FBN2: variants seen among roughly 807,000 people sequenced by gnomAD.
FBN2 encodes the protein fibrillin 2.
In FBN2, 105 loss-of-function variants were observed where a neutral mutation model predicts 355.6. That is an observed-to-expected ratio of 0.30 (90% CI 0.25 to 0.35). The LOEUF is 0.35. Ranked by LOEUF, FBN2 falls within the 10% of genes least tolerant of loss-of-function variation. The pLI is 1.00. For missense variants in FBN2, 3,280 were observed against 3,758.7 expected (o/e 0.87, Z 3.33); for synonymous variants, 1,350 against 1,301.2 (o/e 1.04, Z -0.81).
At position 128,538,214 on chromosome 5, in the gene FBN2, G is replaced by C. The variant is rs1756914645; in HGVS notation, c.-611C>G. 1 of 155,306 alleles carries C rather than the reference G, an allele frequency of 6.4e-6. No individual in the cohort carries two copies. Among genetic ancestry groups the C allele is most frequent in the African/African-American group, 2.4e-5 (1 of 41,388 alleles). 9.6% of individuals were successfully genotyped at this position (155,306 alleles called of 1,614,324 possible). A position where few individuals can be genotyped will look rare whatever the true frequency, so the allele number is the denominator to read the frequency against. ...GGGGCGTGCGGCCAGCAAGAGAGAG[G>C]GCGGGAGGCTGGGCGCTGGAGAAGA... On this transcript the variant is annotated 5_prime_UTR_variant, in exon 1 of 65. Coordinates refer to ENST00000262464, the MANE Select transcript of FBN2 (RefSeq NM_001999.4).
At chr5:128,441,656 T>A (rs1753923632) in intron 7 of FBN2, among the ~76,000 whole-genome samples, 1 of 152,226 alleles carries the variant, frequency 6.6e-6, no homozygotes, top group African/African-American at 2.4e-5. Flanking sequence ...TATATCCTGC[T>A]GGCAGAGTCA....
intron 15 of FBN2, among the ~76,000 whole-genome samples, chr5:128,372,300 T>A (rs1055208317): frequency 6.6e-6 from 1 of 152,334 alleles, no homozygotes; most frequent in Non-Finnish European, 1.5e-5. Context: ...AAAGATATGA[T>A]TGCCTTTTGT....
chr5:128,492,226 A>C (rs1179231876), intron 5 of FBN2, among the ~76,000 whole-genome samples: 1 of 152,166 alleles, frequency 6.6e-6, no homozygotes, highest in African/African-American at 2.4e-5. Flanking sequence ...CTCTTCCTTG[A>C]ATATAGTTTT....
Position 128,331,278 on chromosome 5 carries a change from G to A in FBN2, c.4223-583C>T, listed in dbSNP as rs1236019005. On this transcript the variant is annotated intron_variant, in intron 32 of 64. Transcript: ENST00000262464. ...GAACAAAGATGCCCCCATTGAGGAA[G>A]TAGTTTTTAGTTAAGGTCAGACCTG... 7.9e-5 allele frequency among the ~76,000 whole-genome samples: 12 copies of A among 152,196 alleles called. 1 individual carries two copies. The highest frequency in any genetic ancestry group is 7.9e-4 in the Admixed American group (12 of 15,280).
chr5:128,312,041 A>T (rs1750071853), intron 37 of FBN2, 88 bp from the exon 38 acceptor site: 1 of 870,088 alleles, frequency 1.1e-6, no homozygotes, highest in African/African-American at 1.6e-5. Context: ...GACAGGCTCA[A>T]TATACTCATC....
chr5:128,459,669 C>G (rs1754503710), intron 6 of FBN2, among the ~76,000 whole-genome samples: 1 of 152,188 alleles, frequency 6.6e-6, no homozygotes, highest in African/African-American at 2.4e-5. Context: ...ATACACAAAT[C>G]AATAAACGTA....
At chr5:128,331,718 T>G (rs1750697549) in intron 32 of FBN2, among the ~76,000 whole-genome samples, 1 of 152,054 alleles carries the variant, frequency 6.6e-6, no homozygotes, top group African/African-American at 2.4e-5. Context: ...AGAAACTCTC[T>G]CTGGTTGGGA....
intron 7 of FBN2, among the ~76,000 whole-genome samples, chr5:128,441,128 T>A (rs1753907489): frequency 6.6e-6 from 1 of 152,098 alleles, no homozygotes. Flanking sequence ...TGCCTTCATT[T>A]TTTCAGGGCA....
chr5:128,278,714 G>A lies in FBN2; in HGVS notation c.7266C>T (p.Cys2422=), dbSNP rs776227906. The change falls in exon 57 of 65, where the codon TGC becomes TGT. Residue 2422 remains cysteine (C), a synonymous_variant. Transcript: ENST00000262464. ...CAGTTCCAGGAAGTGGGCAAAGCTC[G>A]CACTGGTGGCCCCAGCCTCGCCCAC... ...CDGGRGWGHQ[C]ELCPLPGTAQ... is the part of the protein sequence containing the mutation. 15 of 1,614,014 alleles carry A rather than the reference G, an allele frequency of 9.3e-6. No individual in the cohort carries two copies. The highest frequency in any genetic ancestry group is 1.6e-4 in the Middle Eastern group (1 of 6,084).
intron 20 of FBN2, among the ~76,000 whole-genome samples, chr5:128,356,403 G>T (rs1368880024): frequency 3.3e-5 from 5 of 152,118 alleles, no homozygotes; most frequent in South Asian, 4.1e-4. Flanking sequence ...TATTGTCTTC[G>T]ACAAATATGA....
rs1581303770 is a variant in FBN2 at position 128,446,488 on chromosome 5, T to C, written c.945A>G (p.Lys315=). ...AGHKQSETTQ[K]CEDIDECSII... ...CAAAGTAGAGAGACTCACCTTCACATTTCTGAGTAGTTTCACTCTGTTTGT... is the reference window on the plus strand; with the variant it reads ...CAAAGTAGAGAGACTCACCTTCACACTTCTGAGTAGTTTCACTCTGTTTGT... Residue 315 remains lysine, a synonymous_variant, in exon 7 of 65, where the codon AAA becomes AAG. Transcript: ENST00000262464. 2 of 1,613,698 alleles carry C rather than the reference T, an allele frequency of 1.2e-6. No homozygotes were observed. The highest frequency in any genetic ancestry group is 1.7e-5 in the Admixed American group (1 of 59,996).
intron 5 of FBN2, among the ~76,000 whole-genome samples, chr5:128,472,747 C>A (rs746314448): frequency 6.6e-6 from 1 of 150,936 alleles, no homozygotes; most frequent in Non-Finnish European, 1.5e-5. Flanking sequence ...GCTGAGATCG[C>A]GCCATTGCAC....
At chr5:128,323,901 T>C (rs137884773) in intron 34 of FBN2, among the ~76,000 whole-genome samples, 1 of 152,346 alleles carries the variant, frequency 6.6e-6, no homozygotes, top group East Asian at 1.9e-4. Flanking sequence ...TGAATATGGC[T>C]GTCAATCTAC....
Position 128,336,012 on chromosome 5 carries a change from T to C in FBN2, c.3700A>G (p.Thr1234Ala), listed in dbSNP as rs745525613. ...CCTGTACAGCCCTGGCGGTCTGGCGTAGCCTGATATCCAGGATTGCAAGAG... is the reference window on the plus strand; with the variant it reads ...CCTGTACAGCCCTGGCGGTCTGGCGCAGCCTGATATCCAGGATTGCAAGAG... The part of the protein sequence containing the change: ...QCSCNPGYQA[T>A]PDRQGCTDID... Residue 1234 changes from threonine to alanine, a missense_variant, in exon 28 of 65, where the codon ACG (threonine) becomes GCG (alanine). Physicochemically the swap from Thr to Ala is moderately conservative, Grantham distance 58. Transcript: ENST00000262464. 5.0e-6 allele frequency: 8 copies of C among 1,614,170 alleles called. No individual in the cohort carries two copies. Among genetic ancestry groups the C allele is most frequent in the Non-Finnish European group, 6.8e-6 (8 of 1,180,012 alleles).
At chr5:128,279,215 A>G (rs1765472066) in intron 56 of FBN2, among the ~76,000 whole-genome samples, 1 of 152,216 alleles carries the variant, frequency 6.6e-6, no homozygotes, top group South Asian at 2.1e-4. Flanking sequence ...ACTCTAGACT[A>G]TATTTTATGA....
chr5:128,271,977 G>T, intron 62 of FBN2, 22 bp downstream of exon 62: 3 of 1,613,548 alleles, frequency 1.9e-6, no homozygotes, highest in Middle Eastern at 1.7e-4. Flanking sequence ...AAGCAAGTGC[G>T]ATGGAAGAAA....
chr5:128,325,715 T>A (rs1750526262), intron 34 of FBN2, among the ~76,000 whole-genome samples: 2 of 152,210 alleles, frequency 1.3e-5, no homozygotes, highest in African/African-American at 4.8e-5. Flanking sequence ...ATTATACTGA[T>A]GTTTATAGTT....
intron 23 of FBN2, among the ~76,000 whole-genome samples, chr5:128,347,987 A>G (rs1189000643): frequency 1.3e-5 from 2 of 151,816 alleles, no homozygotes; most frequent in Non-Finnish European, 2.9e-5. Context: ...GGGGTTCCCC[A>G]TGTTGCCCAG....
chr5:128,530,801 AAT>A (rs1756681029), intron 2 of FBN2, 108 bp from the exon 3 acceptor site: 1 of 739,058 alleles, frequency 1.4e-6, no homozygotes, highest in African/African-American at 1.8e-5. Context: ...ACTAAGATAA[AAT>A]ATATGATATA....
Sources: allele counts gnomAD v4.1 joint callset (sites outside exome capture counted in the v4.1 genomes callset), GRCh38; gene constraint gnomAD v4.1.1; transcripts MANE v1.5; gene names NCBI Gene and HGNC (gene_info 2026-07-23, HGNC 2026-07-21).